SEMA5B: variants seen among roughly 807,000 people sequenced by gnomAD.
The protein encoded by SEMA5B is semaphorin-5B.
Under a neutral mutation model 135.0 loss-of-function variants are expected in SEMA5B, and 66 were observed. The observed-to-expected ratio is 0.49, with a 90% CI of 0.40 to 0.60. The LOEUF (loss-of-function observed/expected upper bound fraction) is 0.60. SEMA5B is among the 20% of genes least tolerant of loss of function. The probability of loss-of-function intolerance (pLI) is 0.00; values close to 1 mark genes in which losing one functional copy is unlikely to be tolerated. For missense variants in SEMA5B, 1,501 were observed against 1,566.3 expected (o/e 0.96, Z 0.70); for synonymous variants, 690 against 639.5 (o/e 1.08, Z -1.19).
intron 5 of SEMA5B, among the ~76,000 whole-genome samples, chr3:122,933,451 T>C (rs1228815019): frequency 6.6e-6 from 1 of 152,148 alleles, no homozygotes; most frequent in Non-Finnish European, 1.5e-5. Context: ...ACATTTTCTT[T>C]TTCTTTTTTT....
intron 1 of SEMA5B, among the ~76,000 whole-genome samples, chr3:122,997,367 C>T (rs543590704): frequency 1.3e-5 from 2 of 152,214 alleles, no homozygotes; most frequent in South Asian, 2.1e-4. Flanking sequence ...ATCCTTCTTG[C>T]ATCTCCTCTC....
rs557105574 is a variant in SEMA5B, at chr3:123,004,724, C to T, written c.-39+22740G>A. On this transcript the variant is annotated intron_variant, in intron 1 of 22. Coordinates refer to ENST00000357599, the MANE Select transcript of SEMA5B (RefSeq NM_001031702.4). ...GTTACGGCTGGCCTCCCACCAGGCT[C>T]CTCCACACTGATGGAAATTGATTGC... is the stretch of plus-strand genomic sequence containing the variant. 3.9e-5 allele frequency among the ~76,000 whole-genome samples: 6 copies of T among 152,312 alleles called. No homozygotes were observed. In the South Asian group the frequency reaches 1.2e-3, roughly 32 times the overall value.
intron 1 of SEMA5B, among the ~76,000 whole-genome samples, chr3:123,025,657 T>C (rs1358569184): frequency 2.6e-5 from 4 of 151,474 alleles, no homozygotes; most frequent in Admixed American, 2.6e-4. Context: ...AGAAAAGAGC[T>C]CCCCCTGAAA....
At chr3:123,012,312 G>T (rs1179609032) in intron 1 of SEMA5B, among the ~76,000 whole-genome samples, 1 of 152,068 alleles carries the variant, frequency 6.6e-6, no homozygotes, top group Non-Finnish European at 1.5e-5. Flanking sequence ...CACCCCTAAG[G>T]CTTCTTATGC....
intron 1 of SEMA5B, among the ~76,000 whole-genome samples, chr3:123,001,622 A>G (rs949993107): frequency 9.9e-5 from 15 of 152,204 alleles, no homozygotes; most frequent in Non-Finnish European, 2.2e-4. Context: ...TACTGAATGT[A>G]CATTTATAAT....
At chr3:122,933,010 A>G (rs28517755) in intron 5 of SEMA5B, among the ~76,000 whole-genome samples, 87,395 of 151,890 alleles carry the variant, frequency 0.58, 25,839 homozygotes, top group Middle Eastern at 0.67. Flanking sequence ...GTAAGCCACC[A>G]TGCCTGGGCT....
In SEMA5B at chr3:122,929,801, T is replaced by C. The variant is rs550871959; in HGVS notation, c.475-743A>G. Among the ~76,000 whole-genome samples the C allele has an allele frequency of 2.0e-5, 3 of 152,276 alleles. No individual in the cohort carries two copies. In the South Asian group the frequency reaches 6.2e-4, roughly 32 times the overall value. On this transcript the variant is annotated intron_variant, in intron 5 of 22. Transcript: ENST00000357599. ...AATGTGTCTGGGGACACAGCTTTCA[T>C]GTGGGGACCTGCAGGACAGTGCCAT...
At chr3:123,012,438 G>A (rs553090018) in intron 1 of SEMA5B, among the ~76,000 whole-genome samples, 1 of 152,252 alleles carries the variant, frequency 6.6e-6, no homozygotes, top group South Asian at 2.1e-4. Context: ...TCCCCAGCAG[G>A]TGACCAGGGC....
At chr3:123,024,533 T>C (rs1443345844) in intron 1 of SEMA5B, among the ~76,000 whole-genome samples, 3 of 152,238 alleles carry the variant, frequency 2.0e-5, no homozygotes, top group Non-Finnish European at 4.4e-5. Flanking sequence ...ATCCAGTCTT[T>C]GCTCTGCATG....
At chr3:122,993,812 A>G (rs1941949643) in intron 1 of SEMA5B, among the ~76,000 whole-genome samples, 1 of 146,110 alleles carries the variant, frequency 6.8e-6, no homozygotes. Flanking sequence ...TGCTGCTGTC[A>G]GCAGTCAGCT....
At position 122,922,039 on chromosome 3, in the gene SEMA5B, G is replaced by A. The variant is rs892818358; in HGVS notation, c.1564C>T (p.Pro522Ser). The change falls in exon 12 of 23, where the codon CCC becomes TCC. Residue 522 changes from proline (P) to serine (S), a missense_variant. Around this residue, in one of 2 missense-constraint regions of SEMA5B, gnomAD observed 927 missense variants for 881.6 expected, o/e 1.05. Coordinates refer to ENST00000357599, the MANE Select transcript of SEMA5B (RefSeq NM_001031702.4). ...CYLEELHVLP[P>S]GRREPLRSLR... ...CTGCGCAGGGGCTCGCGGCGCCCGG[G>A]GGGCAGCACGTGCAGCTCCTCCAGG... 6 of 1,495,582 alleles carry A rather than the reference G, an allele frequency of 4.0e-6. No homozygotes were observed. The highest frequency in any genetic ancestry group is 1.8e-4 in the Middle Eastern group (1 of 5,508). 92.6% of individuals were successfully genotyped at this position (1,495,582 alleles called of 1,614,324 possible). A position where few individuals can be genotyped will look rare whatever the true frequency, so the allele number is the denominator to read the frequency against.
chr3:123,011,860 G>A (rs991009003), intron 1 of SEMA5B, among the ~76,000 whole-genome samples: 2 of 152,196 alleles, frequency 1.3e-5, no homozygotes, highest in Non-Finnish European at 2.9e-5. Context: ...GAATGAGCCA[G>A]AAACCCCGCT....
Position 122,929,415 on chromosome 3 carries a change from C to A in SEMA5B, c.475-357G>T, listed in dbSNP as rs375940124. ...GAAGGACCTTCAATCCCACCCCAGGCCCTGGGTGGGGAATGCGCCTATTCT... is the reference window on the plus strand; with the variant it reads ...GAAGGACCTTCAATCCCACCCCAGGACCTGGGTGGGGAATGCGCCTATTCT... On this transcript the variant is annotated intron_variant, in intron 5 of 22. Transcript: ENST00000357599. Among the ~76,000 whole-genome samples the A allele has an allele frequency of 7.2e-5, 11 of 152,306 alleles. 2 individuals are homozygous for A. The highest frequency in any genetic ancestry group is 6.5e-5 in the Admixed American group (1 of 15,302).
intron 6 of SEMA5B, 82 bp from the exon 7 acceptor site, chr3:122,928,697 G>A: frequency 9.6e-7 from 1 of 1,044,164 alleles, no homozygotes; most frequent in Non-Finnish European, 1.4e-6. Context: ...ACTGCGTCAT[G>A]GATGCCAACA....
rs944239394 is a variant in SEMA5B at position 122,911,866 on chromosome 3, T to G, written c.3046+54A>C. 5.1e-5 allele frequency: 78 copies of G among 1,528,436 alleles called. No individual in the cohort carries two copies. In the East Asian group the frequency reaches 1.8e-3, roughly 35 times the overall value. The allele number at this position is 1,528,436 out of a possible 1,614,324, so 94.7% of individuals were successfully genotyped here. A position where few individuals can be genotyped will look rare whatever the true frequency, so the allele number is the denominator to read the frequency against. On this transcript the variant is annotated intron_variant, in intron 20 of 22. Transcript: ENST00000357599. ...CACAAGCTTCAGAAGGAGAAGGAAG[T>G]TGGGAGTGCAGGCTGGGAAGGGTTG...
chr3:122,922,380 C>G lies in SEMA5B; in HGVS notation c.1340G>C (p.Arg447Pro), dbSNP rs756477679. The G allele has an allele frequency of 6.2e-7, 1 of 1,612,400 alleles. No homozygotes were observed. The highest frequency in any genetic ancestry group is 8.5e-7 in the Non-Finnish European group (1 of 1,179,378). Residue 447 changes from arginine (R) to proline (P), a missense_variant, in exon 11 of 23, where the codon CGC becomes CCC. This residue lies in a region of SEMA5B where 574 missense variants were observed against 684.7 expected (regional missense o/e 0.84). Coordinates refer to ENST00000357599, the MANE Select transcript of SEMA5B (RefSeq NM_001031702.4). ...CACGGCCTCGCTCATCAGGAAGAGG[C>G]GCTGCGCGTCCTGCAGGCTGCGCTC... ...LTERSLQDAQ[R>P]LFLMSEAVQP... is the part of the protein sequence containing the mutation.
At chr3:122,955,771 G>A (rs1212658511) in intron 2 of SEMA5B, among the ~76,000 whole-genome samples, 1 of 152,232 alleles carries the variant, frequency 6.6e-6, no homozygotes, top group Admixed American at 6.5e-5. Flanking sequence ...CTGGTACCGA[G>A]TAGGCTCTTT....
intron 10 of SEMA5B, among the ~76,000 whole-genome samples, chr3:122,923,179 T>C (rs1375198296): frequency 6.6e-6 from 1 of 152,160 alleles, no homozygotes; most frequent in Non-Finnish European, 1.5e-5. Context: ...ATACTCACAC[T>C]ACCCACGGCT....
chr3:122,966,553 T>TA (rs1560378691), intron 1 of SEMA5B, among the ~76,000 whole-genome samples: 1 of 147,708 alleles, frequency 6.8e-6, no homozygotes, highest in East Asian at 2.0e-4. Context: ...TTATTATTAT[T>TA]ATTATTATTA....
Sources: allele counts gnomAD v4.1 joint callset (sites outside exome capture counted in the v4.1 genomes callset), GRCh38; gene constraint gnomAD v4.1.1; regional missense constraint gnomAD v4.1.1; transcripts MANE v1.5; gene names NCBI Gene and HGNC (gene_info 2026-07-23, HGNC 2026-07-21).